The following RBMS2 variants were observed in gnomAD, a reference collection of about 807,000 sequenced individuals.
The protein encoded by RBMS2 is RNA binding motif single stranded interacting protein 2, also known as RNA-binding motif, single-stranded-interacting protein 2.
Under a neutral mutation model 58.4 loss-of-function variants are expected in RBMS2, and 38 were observed. The observed-to-expected ratio is 0.65, with a 90% confidence interval of 0.50 to 0.85. RBMS2 has a LOEUF of 0.85. RBMS2 is among the 40% of genes least tolerant of loss of function. RBMS2 has a pLI of 0.00. For synonymous variants in RBMS2, 151 were observed against 180.7 expected (o/e 0.84, Z 1.32); for missense variants, 367 against 503.7 (o/e 0.73, Z 2.60).
chr12:56,553,489 G>C (rs903629277), intron 1 of RBMS2, among the ~76,000 whole-genome samples: 1 of 151,748 alleles, frequency 6.6e-6, no homozygotes, highest in Non-Finnish European at 1.5e-5. Context: ...CACCAAGTCC[G>C]GCTAATTTTT....
intron 1 of RBMS2, 53 bp from the exon 2 acceptor site, chr12:56,562,364 C>G: frequency 6.6e-7 from 1 of 1,507,652 alleles, no homozygotes; most frequent in Non-Finnish European, 9.1e-7. Flanking sequence ...CTTCCTCACT[C>G]TCCAACATGT....
chr12:56,542,541 T>C (rs186904947), intron 1 of RBMS2, among the ~76,000 whole-genome samples: 1 of 150,364 alleles, frequency 6.7e-6, no homozygotes, highest in Non-Finnish European at 1.5e-5. Context: ...TTTTTTTTTT[T>C]TCTTGTTTTT....
chr12:56,565,454 G>A (rs1013096204), intron 2 of RBMS2, among the ~76,000 whole-genome samples: 4 of 151,664 alleles, frequency 2.6e-5, no homozygotes, highest in Admixed American at 2.6e-4. Flanking sequence ...CAATCCACAA[G>A]TGGGAAACCC....
At position 56,578,155 on chromosome 12, in the gene RBMS2, G is replaced by A. The variant is rs953103966; in HGVS notation, c.543-3029G>A. ...TTTTTTTTTATTTTTTTGAGATGGC[G>A]TCTCGCTCTGTTGCCCAGGCTGGAT... On this transcript the variant is annotated intron_variant, in intron 5 of 13. Coordinates refer to ENST00000262031, the MANE Select transcript of RBMS2 (RefSeq NM_002898.4). Among the ~76,000 whole-genome samples the A allele has an allele frequency of 3.3e-5, 5 of 151,368 alleles. No homozygotes were observed. In the South Asian group the frequency reaches 8.4e-4, roughly 25 times the overall value.
At chr12:56,528,522 G>T (rs568193412) in intron 1 of RBMS2, among the ~76,000 whole-genome samples, 148 of 152,156 alleles carry the variant, frequency 9.7e-4, no homozygotes, top group Non-Finnish European at 1.9e-3. Context: ...CATCTGAATC[G>T]ATGTTTATCC....
At chr12:56,571,416 G>A (rs182941485) in intron 4 of RBMS2, among the ~76,000 whole-genome samples, 6 of 152,150 alleles carry the variant, frequency 3.9e-5, no homozygotes, top group Non-Finnish European at 7.3e-5. Context: ...GGGGGAGAGC[G>A]GGAATGCTGC....
In RBMS2 at chr12:56,568,881, G is replaced by A. The variant is rs184183952; in HGVS notation, c.234-94G>A. The A allele has an allele frequency of 1.4e-4, 152 of 1,085,918 alleles. No individual in the cohort carries two copies. The East Asian group carries it at 2.6e-3, about 19-fold the overall frequency. 67.3% of individuals were successfully genotyped at this position (1,085,918 alleles called of 1,614,324 possible). On this transcript the variant is annotated intron_variant, in intron 2 of 13. Coordinates refer to ENST00000262031, the MANE Select transcript of RBMS2 (RefSeq NM_002898.4). ...GTTTGAGTAGGAAAAGTTAGATCAT[G>A]GAAAGGGCATGGATTTGTTGAGATG...
intron 9 of RBMS2, 127 bp downstream of exon 9, chr12:56,582,279 TAAC>T: frequency 1.3e-6 from 1 of 793,218 alleles, no homozygotes; most frequent in African/African-American, 1.7e-5. Context: ...CAATTTTACA[TAAC>T]AGCGTAAAAG....
rs1882009528 is a variant in RBMS2 at position 56,569,945 on chromosome 12, T to A, written c.339T>A (p.Ala113=). ...DFDSPSAAQK[A]VTALKASGVQ... ...ACAGCCCTTCAGCAGCACAGAAAGC[T>A]GTAACAGCACTGAAGGCCAGCGGTG... The change falls in exon 4 of 14, where the codon GCT becomes GCA. Residue 113 remains alanine (A), a synonymous_variant. Transcript: ENST00000262031. The A allele has an allele frequency of 1.2e-6, 2 of 1,614,050 alleles. No individual in the cohort carries two copies. The highest frequency in any genetic ancestry group is 1.7e-6 in the Non-Finnish European group (2 of 1,179,916).
chr12:56,591,640 A>G lies in RBMS2; in HGVS notation c.*2507A>G, dbSNP rs1219619102. 1 of 152,142 alleles carries G rather than the reference A, an allele frequency of 6.6e-6. No individual in the cohort carries two copies. Among genetic ancestry groups the G allele is most frequent in the Non-Finnish European group, 1.5e-5 (1 of 68,020 alleles). 9.4% of individuals were successfully genotyped at this position (152,142 alleles called of 1,614,324 possible). On this transcript the variant is annotated 3_prime_UTR_variant, in exon 14 of 14. Transcript: ENST00000262031. ...AGAAAACAAATCTAGAATTCTGTTC[A>G]TCTGATAGACCGGGGGAGCTTTGCT... is the stretch of plus-strand genomic sequence containing the variant.
chr12:56,589,119 T>C (rs1885099759), intron 13 of RBMS2, 21 bp from the exon 14 acceptor site: 1 of 1,583,616 alleles, frequency 6.3e-7, no homozygotes, highest in Non-Finnish European at 8.6e-7. Context: ...TTGTCTCCTC[T>C]CTGGCTTGTG....
intron 1 of RBMS2, among the ~76,000 whole-genome samples, chr12:56,556,060 A>T (rs1238542718): frequency 6.6e-6 from 1 of 150,894 alleles, no homozygotes; most frequent in Non-Finnish European, 1.5e-5. Flanking sequence ...AAAAAAAAAA[A>T]GGAGAGAGGG....
intron 12 of RBMS2, 59 bp downstream of exon 12, chr12:56,588,433 C>A: frequency 6.9e-7 from 1 of 1,450,048 alleles, no homozygotes; most frequent in Non-Finnish European, 9.7e-7. Flanking sequence ...GGCAGGTTTC[C>A]CCCTGATCAA....
rs1375540040 is a variant in RBMS2 at position 56,593,992 on chromosome 12, T to C, written c.*4859T>C. The C allele has an allele frequency of 6.6e-6, 1 of 152,340 alleles. No homozygotes were observed. The highest frequency in any genetic ancestry group is 1.5e-5 in the Non-Finnish European group (1 of 68,120). The allele number at this position is 152,340 out of a possible 1,614,324, so 9.4% of individuals were successfully genotyped here. On this transcript the variant is annotated 3_prime_UTR_variant, in exon 14 of 14. Coordinates refer to ENST00000262031, the MANE Select transcript of RBMS2 (RefSeq NM_002898.4). ...ATTGAAGATGAAGACCAGACTTTGC[T>C]GCTTCACAGGCCATGCGCTGGGTTG...
intron 1 of RBMS2, among the ~76,000 whole-genome samples, chr12:56,555,021 A>G (rs1222073891): frequency 1.3e-5 from 2 of 151,924 alleles, no homozygotes; most frequent in Admixed American, 6.6e-5. Context: ...TTGTGCACAT[A>G]TATAAGCATC....
intron 5 of RBMS2, among the ~76,000 whole-genome samples, chr12:56,579,506 A>G (rs1022376858): frequency 4.6e-5 from 7 of 151,766 alleles, no homozygotes; most frequent in Admixed American, 1.3e-4. Flanking sequence ...GGTGGCGGGC[A>G]CCTGTAGTCC....
At chr12:56,551,119 C>CA (rs567646796) in intron 1 of RBMS2, among the ~76,000 whole-genome samples, 3,160 of 91,924 alleles carry the variant, frequency 0.034, 51 homozygotes, top group Middle Eastern at 0.081. Context: ...GACCCTGTTT[C>CA]AAAAAAAAAA....
chr12:56,525,014 G>A (rs1357834183), intron 1 of RBMS2, among the ~76,000 whole-genome samples: 1 of 151,126 alleles, frequency 6.6e-6, no homozygotes, highest in Non-Finnish European at 1.5e-5. Flanking sequence ...GAGCCACTGC[G>A]CCTGGCCCCA....
Position 56,589,456 on chromosome 12 carries a change from A to G in RBMS2, c.*323A>G, listed in dbSNP as rs1885142984. The G allele has an allele frequency of 2.5e-6, 1 of 392,844 alleles. No individual in the cohort carries two copies. Among genetic ancestry groups the G allele is most frequent in the Non-Finnish European group, 4.0e-6 (1 of 253,082 alleles). The allele number at this position is 392,844 out of a possible 1,614,324, so 24.3% of individuals were successfully genotyped here. On this transcript the variant is annotated 3_prime_UTR_variant, in exon 14 of 14. Coordinates refer to ENST00000262031, the MANE Select transcript of RBMS2 (RefSeq NM_002898.4). ...CGTACTTTTCCCCTACCTTGAAGAGACATGGTGGTCGCAGCTTCTCATCTA... is the reference window on the plus strand; with the variant it reads ...CGTACTTTTCCCCTACCTTGAAGAGGCATGGTGGTCGCAGCTTCTCATCTA...
Sources: gnomAD v4.1 joint callset for allele counts (sites outside exome capture counted in the v4.1 genomes callset) on GRCh38, gnomAD v4.1.1 for gene constraint, MANE v1.5 for transcripts, NCBI Gene and HGNC (gene_info 2026-07-23, HGNC 2026-07-21) for gene names.